GJA5: variants seen among roughly 807,000 people sequenced by gnomAD.
GJA5 encodes gap junction alpha-5 protein.
Under a neutral mutation model 7.9 loss-of-function variants are expected in GJA5, and 3 were observed. That is an observed-to-expected ratio of 0.38 (90% CI 0.17 to 0.99). GJA5 has a LOEUF of 0.99. Among genes scored for constraint, GJA5 ranks in the 50% least tolerant of loss-of-function variants. GJA5 has a pLI of 0.38. For synonymous variants in GJA5, 193 were observed against 181.0 expected (o/e 1.07, Z -0.53); for missense variants, 390 against 457.9 (o/e 0.85, Z 1.35).
Position 147,758,261 on chromosome 1 carries a change from T to G in GJA5, c.978A>C (p.Gly326=), listed in dbSNP as rs1553226764. The G allele has an allele frequency of 1.9e-6, 3 of 1,614,056 alleles. No homozygotes were observed. The highest frequency in any genetic ancestry group is 2.7e-5 in the African/African-American group (2 of 75,036). Residue 326 remains glycine (G), a synonymous_variant, in exon 2 of 2, where the codon GGA becomes GGC. Coordinates refer to ENST00000579774, the MANE Select transcript of GJA5 (RefSeq NM_181703.4). ...RYGQKPEVPN[G]VSPGHRLPHG... is the part of the protein sequence containing the mutation. The stretch of plus-strand genomic sequence containing the variant: ...GGGGAAGGCGGTGACCTGGTGAGAC[T>G]CCATTGGGCACCTCAGGCTTCTGGC...
chr1:147,766,728 G>A (rs1284156319), intron 1 of GJA5, among the ~76,000 whole-genome samples: 2 of 152,084 alleles, frequency 1.3e-5, no homozygotes, highest in Admixed American at 1.3e-4. Context: ...TCTGGACAAC[G>A]ACACATGTTC....
In GJA5 at chr1:147,758,705, GA is replaced by G; in HGVS notation, c.533del (p.Phe178SerfsTer2). The G allele has an allele frequency of 6.2e-7, 1 of 1,614,214 alleles. No homozygotes were observed. Among genetic ancestry groups the G allele is most frequent in the Non-Finnish European group, 8.5e-7 (1 of 1,180,042 alleles). ...TGCGGCAGACATGCAGGGTGGTCAG[GA>G]AGATTCCGTAGATGAAGTACTGGCC... ...IVGQYFIYGI[F>X]LTTLHVCRRS... On this transcript the variant is annotated frameshift_variant, in exon 2 of 2. Transcript: ENST00000579774. LOFTEE classifies it low-confidence loss of function (END_TRUNC).
At position 147,757,682 on chromosome 1, in the gene GJA5, T is replaced by TC. The variant is rs1264368219; in HGVS notation, c.*479dup. The TC allele has an allele frequency of 1.6e-5, 3 of 186,204 alleles. No individual in the cohort carries two copies. The highest frequency in any genetic ancestry group is 7.1e-5 in the African/African-American group (3 of 42,322). The allele number at this position is 186,204 out of a possible 1,614,324, so 11.5% of individuals were successfully genotyped here. A position where few individuals can be genotyped will look rare whatever the true frequency, so the allele number is the denominator to read the frequency against. The stretch of plus-strand genomic sequence containing the variant: ...GGAATGGTCCATGGAGACAACAGAT[T>TC]CAAGAGCACATATAATGCAAGTTCC... On this transcript the variant is annotated 3_prime_UTR_variant, in exon 2 of 2. Transcript: ENST00000579774.
intron 1 of GJA5, among the ~76,000 whole-genome samples, chr1:147,772,226 A>G (rs1553229168): frequency 1.3e-5 from 2 of 152,120 alleles, no homozygotes; most frequent in South Asian, 2.1e-4. Context: ...CAGCAGCCCC[A>G]GTGATTTGCT....
rs1416136258 is a variant in GJA5 at position 147,757,593 on chromosome 1, T to C, written c.*569A>G. 6.3e-6 allele frequency: 1 copy of C among 159,880 alleles called. No individual in the cohort carries two copies. The highest frequency in any genetic ancestry group is 1.4e-5 in the Non-Finnish European group (1 of 71,958). 9.9% of individuals were successfully genotyped at this position (159,880 alleles called of 1,614,324 possible). A position where few individuals can be genotyped will look rare whatever the true frequency, so the allele number is the denominator to read the frequency against. ...GCTGGTAAAGTTCCAAGAAGCCCTT[T>C]TTAAGGCTGAGTAGAGGGAGGAGAA... On this transcript the variant is annotated 3_prime_UTR_variant, in exon 2 of 2. Coordinates refer to ENST00000579774, the MANE Select transcript of GJA5 (RefSeq NM_181703.4).
In GJA5 at chr1:147,758,781, T is replaced by G; in HGVS notation, c.458A>C (p.Tyr153Ser). 1 of 1,614,092 alleles carries G rather than the reference T, an allele frequency of 6.2e-7. No homozygotes were observed. Among genetic ancestry groups the G allele is most frequent in the Non-Finnish European group, 8.5e-7 (1 of 1,179,960 alleles). ...IALQGTLLNT[Y>S]VCSILIRTTM... The stretch of plus-strand genomic sequence containing the variant: ...GGTGCGGATCAGGATGCTGCACACA[T>G]AGGTGTTGAGCAGAGTGCCCTGGAG... The change falls in exon 2 of 2, where the codon TAT becomes TCT. Residue 153 changes from tyrosine (Y) to serine (S), a missense_variant. Tyr to Ser is a moderately radical substitution (Grantham distance 144, BLOSUM62 -2). This residue lies in a region of GJA5 where 354 missense variants were observed against 370.9 expected (regional missense o/e 0.95). Coordinates refer to ENST00000579774, the MANE Select transcript of GJA5 (RefSeq NM_181703.4).
rs149399768 is a variant in GJA5, at chr1:147,772,126, C to T, written c.-34+1126G>A. Among the ~76,000 whole-genome samples, 885 of 152,280 alleles carry T rather than the reference C, an allele frequency of 5.8e-3. 3 individuals carry two copies. Among genetic ancestry groups the T allele is most frequent in the Non-Finnish European group, 9.1e-3 (622 of 68,018 alleles). ...TCCTTCAGTTTTGCTGGTTCCAGGT[C>T]TTCTGACTCCCTGTTCGGTGCTCTT... On this transcript the variant is annotated intron_variant, in intron 1 of 1. Transcript: ENST00000430508.
intron 1 of GJA5, among the ~76,000 whole-genome samples, chr1:147,771,184 A>T (rs1553229017): frequency 6.6e-6 from 1 of 152,204 alleles, no homozygotes; most frequent in Non-Finnish European, 1.5e-5. Context: ...GCACTGTGGC[A>T]GTGCCCTCCA....
At chr1:147,763,611 A>G (rs1206910169), upstream of GJA5, among the ~76,000 whole-genome samples, 1 of 152,160 alleles carries the variant, frequency 6.6e-6, no homozygotes, top group Non-Finnish European at 1.5e-5. Context: ...AACTTGTCCT[A>G]TCCTGAGATA....
chr1:147,767,885 G>T (rs1553228450), intron 1 of GJA5, among the ~76,000 whole-genome samples: 1 of 152,222 alleles, frequency 6.6e-6, no homozygotes, highest in Non-Finnish European at 1.5e-5. Flanking sequence ...TATATAAGAT[G>T]ATTGAAGCAG....
chr1:147,766,744 A>G (rs1664218995), intron 1 of GJA5, among the ~76,000 whole-genome samples: 1 of 152,198 alleles, frequency 6.6e-6, no homozygotes, highest in African/African-American at 2.4e-5. Context: ...TGTTCTGGAC[A>G]GTATCTAACA....
At chr1:147,771,276 T>G (rs1664392073) in intron 1 of GJA5, among the ~76,000 whole-genome samples, 1 of 151,942 alleles carries the variant, frequency 6.6e-6, no homozygotes. Context: ...AATGGAATTG[T>G]AGAGACACTC....
chr1:147,758,961 A>G lies in GJA5; in HGVS notation c.278T>C (p.Met93Thr), dbSNP rs1663872343. The part of the protein sequence containing the change: ...IFVSTPSLVY[M>T]GHAMHTVRMQ... ...GCGCACAGTGTGCATGGCGTGGCCC[A>G]TGTACACCAGAGAGGGCGTGGAGAC... Residue 93 changes from methionine (M) to threonine (T), a missense_variant, in exon 2 of 2, where the codon ATG (methionine) becomes ACG (threonine). This residue lies in a region of GJA5 where 354 missense variants were observed against 370.9 expected (regional missense o/e 0.95). Coordinates refer to ENST00000579774, the MANE Select transcript of GJA5 (RefSeq NM_181703.4). 1.2e-6 allele frequency: 2 copies of G among 1,614,208 alleles called. No homozygotes were observed. The highest frequency in any genetic ancestry group is 1.7e-6 in the Non-Finnish European group (2 of 1,180,026).
upstream of GJA5, among the ~76,000 whole-genome samples, chr1:147,764,583 G>A (rs1664132519): frequency 1.3e-5 from 2 of 152,216 alleles, no homozygotes; most frequent in Non-Finnish European, 1.5e-5. Context: ...CCAGCACTTT[G>A]GAAGGCCGAG....
rs1267802556 is a variant in GJA5, at chr1:147,758,038, G to A, written c.*124C>T. On this transcript the variant is annotated 3_prime_UTR_variant, in exon 2 of 2. Transcript: ENST00000579774. Reference sequence around the variant, plus strand: ...TAGAATTAATGAGCAACGTCATTGAGACCCGGGGCTCAAAGGAGCCAAGCA... The same window carrying A: ...TAGAATTAATGAGCAACGTCATTGAAACCCGGGGCTCAAAGGAGCCAAGCA... 1 of 765,700 alleles carries A rather than the reference G, an allele frequency of 1.3e-6. No homozygotes were observed. Among genetic ancestry groups the A allele is most frequent in the Non-Finnish European group, 2.3e-6 (1 of 433,600 alleles). The allele number at this position is 765,700 out of a possible 1,614,324, so 47.4% of individuals were successfully genotyped here.
chr1:147,767,919 C>A (rs587669236), intron 1 of GJA5, among the ~76,000 whole-genome samples: 4 of 152,190 alleles, frequency 2.6e-5, no homozygotes, highest in Admixed American at 2.0e-4. Flanking sequence ...GATCATTGTT[C>A]GGATAGGGAG....
chr1:147,764,139 C>T (rs1255991824), upstream of GJA5, among the ~76,000 whole-genome samples: 5 of 152,124 alleles, frequency 3.3e-5, no homozygotes, highest in East Asian at 1.9e-4. Flanking sequence ...TCCCCCTACA[C>T]GGCCAGTGTT....
At chr1:147,762,213 G>T (rs1664043724), upstream of GJA5, among the ~76,000 whole-genome samples, 2 of 151,650 alleles carry the variant, frequency 1.3e-5, no homozygotes, top group African/African-American at 4.9e-5. Context: ...AAGGAGAAAA[G>T]AAATGGGAGC....
rs1553226391 is a variant in GJA5, at chr1:147,756,241, A to C, written c.*1921T>G. On this transcript the variant is annotated 3_prime_UTR_variant, in exon 2 of 2. Transcript: ENST00000579774. Reference sequence around the variant, plus strand: ...TTTATTAAGACAAATTACACATTTTACTATATTTTTCCTTTCTAAAACCCT... The same window carrying C: ...TTTATTAAGACAAATTACACATTTTCCTATATTTTTCCTTTCTAAAACCCT... The C allele has an allele frequency of 6.6e-6, 1 of 152,246 alleles. No individual in the cohort carries two copies. 9.4% of individuals were successfully genotyped at this position (152,246 alleles called of 1,614,324 possible).
Sources: gnomAD v4.1 joint callset for allele counts (sites outside exome capture counted in the v4.1 genomes callset) on GRCh38, gnomAD v4.1.1 for gene constraint, gnomAD v4.1.1 regional missense constraint, MANE v1.5 for transcripts, NCBI Gene and HGNC (gene_info 2026-07-23, HGNC 2026-07-21) for gene names.